The following NCAM1 variants were observed in gnomAD, a reference collection of about 807,000 sequenced individuals.
The protein encoded by NCAM1 is antigen recognized by monoclonal antibody 5.1H11.
In NCAM1, 14 loss-of-function variants were observed where a neutral mutation model predicts 109.8. The observed-to-expected ratio is 0.13, with a 90% confidence interval of 0.08 to 0.20. The LOEUF is 0.20. NCAM1 is among the 10% of genes least tolerant of loss of function. The probability of loss-of-function intolerance (pLI) is 1.00; values close to 1 mark genes in which losing one functional copy is unlikely to be tolerated. For missense variants in NCAM1, 774 were observed against 1,109.9 expected (o/e 0.70, Z 4.30); for synonymous variants, 418 against 442.9 (o/e 0.94, Z 0.70).
At chr11:113,219,496 T>G (rs1045725695) in intron 8 of NCAM1, among the ~76,000 whole-genome samples, 5 of 152,228 alleles carry the variant, frequency 3.3e-5, no homozygotes, top group Non-Finnish European at 7.3e-5. Context: ...CTAGAACAAT[T>G]TTTGGAGGAT....
chr11:113,195,373 C>A (rs1165440845), intron 1 of NCAM1, among the ~76,000 whole-genome samples: 4 of 151,696 alleles, frequency 2.6e-5, no homozygotes, highest in African/African-American at 9.7e-5. Context: ...CTGACAAGTT[C>A]CATTATTCTA....
At chr11:113,235,381 T>C (rs553947056) in intron 14 of NCAM1, 1 of 1,014,406 alleles carries the variant, frequency 9.9e-7, no homozygotes, top group South Asian at 1.3e-5. Flanking sequence ...TTGGGGACAC[T>C]GTCCTAGTAG....
In NCAM1 at chr11:113,104,104, T is replaced by C. The variant is rs528405368; in HGVS notation, c.53-98275T>C. Among the ~76,000 whole-genome samples, 337 of 151,368 alleles carry C rather than the reference T, an allele frequency of 2.2e-3. 2 individuals carry two copies. Among genetic ancestry groups the C allele is most frequent in the African/African-American group, 7.8e-3 (322 of 41,230 alleles). On this transcript the variant is annotated intron_variant, in intron 1 of 19. Transcript: ENST00000316851. ...TAGCTTTCTAAACTTATCCCAGTAC[T>C]GCCTCCAGGATCTTTGGGTTTTGTG... is the stretch of plus-strand genomic sequence containing the variant.
intron 1 of NCAM1, among the ~76,000 whole-genome samples, chr11:112,964,282 G>C (rs1244653951): frequency 6.6e-6 from 1 of 151,688 alleles, no homozygotes; most frequent in Non-Finnish European, 1.5e-5. Context: ...GAGTCCGATG[G>C]GCTGCCCCTC....
intron 1 of NCAM1, among the ~76,000 whole-genome samples, chr11:113,157,766 G>T (rs967713367): frequency 2.0e-5 from 3 of 151,904 alleles, no homozygotes; most frequent in Non-Finnish European, 4.4e-5. Context: ...AAAACAAAAA[G>T]TATCAAGAGG....
intron 1 of NCAM1, among the ~76,000 whole-genome samples, chr11:113,128,891 A>G (rs1941282057): frequency 6.8e-6 from 1 of 147,424 alleles, no homozygotes; most frequent in Admixed American, 7.0e-5. Flanking sequence ...TAACTAAAAT[A>G]CTTCAAGTTG....
chr11:113,264,969 T>C, intron 17 of NCAM1: 2 of 985,332 alleles, frequency 2.0e-6, no homozygotes, highest in Non-Finnish European at 2.4e-6. Flanking sequence ...CAGGAGTGAG[T>C]GCACCCCACC....
At chr11:113,244,643 C>CTGTG (rs1419059273) in intron 14 of NCAM1, among the ~76,000 whole-genome samples, 1 of 103,086 alleles carries the variant, frequency 9.7e-6, no homozygotes, top group South Asian at 3.8e-4. Flanking sequence ...AGTTTTGCTT[C>CTGTG]TGTGTGTGTG....
chr11:113,031,334 G>A (rs1174495419), intron 1 of NCAM1, among the ~76,000 whole-genome samples: 1 of 152,092 alleles, frequency 6.6e-6, no homozygotes, highest in Admixed American at 6.5e-5. Flanking sequence ...CACTACCTTG[G>A]GAGGCATTTT....
chr11:113,046,089 G>T (rs1181830264), intron 1 of NCAM1, among the ~76,000 whole-genome samples: 1 of 152,180 alleles, frequency 6.6e-6, no homozygotes, highest in African/African-American at 2.4e-5. Context: ...ATTTGTCACA[G>T]GAGTGCCCAT....
chr11:113,150,669 CTTCT>C, intron 1 of NCAM1, among the ~76,000 whole-genome samples: 1 of 152,280 alleles, frequency 6.6e-6, no homozygotes, highest in Non-Finnish European at 1.5e-5. Flanking sequence ...GGTGGAGTAT[CTTCT>C]TTCTGTTCCC....
At chr11:113,018,079 A>C (rs569552240) in intron 1 of NCAM1, among the ~76,000 whole-genome samples, 146 of 152,240 alleles carry the variant, frequency 9.6e-4, no homozygotes, top group African/African-American at 3.5e-3. Flanking sequence ...TGAGGTTTAG[A>C]TCTTACTTCT....
chr11:113,044,705 A>G (rs1953204091), intron 1 of NCAM1, among the ~76,000 whole-genome samples: 1 of 151,380 alleles, frequency 6.6e-6, no homozygotes, highest in Non-Finnish European at 1.5e-5. Context: ...AAACAAAACC[A>G]TGATTTGTAG....
At chr11:113,242,859 C>A (rs782360208) in intron 14 of NCAM1, 7 of 1,613,832 alleles carry the variant, frequency 4.3e-6, no homozygotes, top group Non-Finnish European at 5.1e-6. Flanking sequence ...GAGTACAGGG[C>A]TGAGTTGCTC....
chr11:113,142,543 T>C (rs1231188576), intron 1 of NCAM1, among the ~76,000 whole-genome samples: 4 of 152,166 alleles, frequency 2.6e-5, no homozygotes, highest in African/African-American at 9.7e-5. Context: ...TTCATATGCA[T>C]GCTCCTTTAA....
intron 1 of NCAM1, among the ~76,000 whole-genome samples, chr11:112,985,151 C>A (rs1279345870): frequency 6.6e-6 from 1 of 151,388 alleles, no homozygotes; most frequent in African/African-American, 2.4e-5. Flanking sequence ...TCTTGGTGCC[C>A]TTGTTGAAAA....
At chr11:112,999,246 C>T (rs1465696837) in intron 1 of NCAM1, among the ~76,000 whole-genome samples, 3 of 152,068 alleles carry the variant, frequency 2.0e-5, no homozygotes, top group African/African-American at 7.2e-5. Flanking sequence ...ACCTTCACTC[C>T]TCTAAGTGGA....
At chr11:113,225,197 C>G (rs183862541) in intron 9 of NCAM1, among the ~76,000 whole-genome samples, 2 of 152,200 alleles carry the variant, frequency 1.3e-5, no homozygotes, top group East Asian at 1.9e-4. Context: ...AAAGATTAGA[C>G]AAATGGCTAA....
chr11:113,089,306 AAAT>A (rs766921602), intron 1 of NCAM1, among the ~76,000 whole-genome samples: 1 of 152,096 alleles, frequency 6.6e-6, no homozygotes, highest in Non-Finnish European at 1.5e-5. Context: ...ACTCCATCTC[AAAT>A]AATAATAATA....
Sources: allele counts gnomAD v4.1 joint callset (sites outside exome capture counted in the v4.1 genomes callset), GRCh38; gene constraint gnomAD v4.1.1; transcripts MANE v1.5; gene names NCBI Gene and HGNC (gene_info 2026-07-23, HGNC 2026-07-21).